The following KAT6B variants were observed in gnomAD, a reference collection of about 807,000 sequenced individuals.
KAT6B encodes lysine acetyltransferase 6B, also known as histone acetyltransferase KAT6B.
In KAT6B, 10 loss-of-function variants were observed where a neutral mutation model predicts 187.5. The ratio of observed to expected loss-of-function variants is 0.05; its 90% CI spans 0.03 to 0.09. The LOEUF (loss-of-function observed/expected upper bound fraction) is 0.09. Ranked by LOEUF, KAT6B falls within the 10% of genes least tolerant of loss-of-function variation. KAT6B has a pLI of 1.00. For synonymous variants in KAT6B, 861 were observed against 926.8 expected, an observed-to-expected ratio of 0.93 and a Z score of 1.29; for missense variants, 1,952 against 2,558.9, an observed-to-expected ratio of 0.76 and a Z score of 5.12.
chr10:74,987,174 G>A (rs1423600509), intron 12 of KAT6B, among the ~76,000 whole-genome samples: 3 of 152,142 alleles, frequency 2.0e-5, no homozygotes, highest in Non-Finnish European at 4.4e-5. Flanking sequence ...GGTGGCTCAC[G>A]CCTGTAATCC....
intron 3 of KAT6B, among the ~76,000 whole-genome samples, chr10:74,901,604 C>CT (rs1208089124): frequency 6.6e-6 from 1 of 152,128 alleles, no homozygotes; most frequent in Non-Finnish European, 1.5e-5. Context: ...GAATTAAACT[C>CT]TGAGTGCTTG....
intron 3 of KAT6B, among the ~76,000 whole-genome samples, chr10:74,845,491 C>T (rs1842030157): frequency 7.1e-6 from 1 of 141,504 alleles, no homozygotes; most frequent in Non-Finnish European, 1.5e-5. Flanking sequence ...CACTGCACTC[C>T]AGCCTGGGTG....
At chr10:74,852,552 A>C (rs547532820) in intron 3 of KAT6B, among the ~76,000 whole-genome samples, 1 of 152,338 alleles carries the variant, frequency 6.6e-6, no homozygotes, top group South Asian at 2.1e-4. Context: ...AGAGCACATG[A>C]ATTGTCTCAA....
intron 3 of KAT6B, among the ~76,000 whole-genome samples, chr10:74,902,418 T>C (rs1436021103): frequency 6.6e-6 from 1 of 152,202 alleles, no homozygotes; most frequent in Non-Finnish European, 1.5e-5. Context: ...AATACCATGA[T>C]TTGCCCAATA....
chr10:74,989,216 C>T (rs1462845432), intron 13 of KAT6B, 104 bp downstream of exon 13: 5 of 821,734 alleles, frequency 6.1e-6, no homozygotes, highest in Non-Finnish European at 1.1e-5. Flanking sequence ...TTGTTTTTAT[C>T]AATAGATAAT....
Position 74,975,990 on chromosome 10 carries a change from T to C in KAT6B, c.1653T>C (p.Tyr551=), listed in dbSNP as rs1366314334. ...TCTTTGATGGGCTTTCTCATATCTA[T>C]ACCACTCAGGGACAGTCTCGCAAAA... The part of the protein sequence containing the change: ...KALFDGLSHI[Y]TTQGQSRKKG... The change falls in exon 8 of 18, where the codon TAT becomes TAC. Residue 551 remains tyrosine (Y), a synonymous_variant. Coordinates refer to ENST00000287239, the MANE Select transcript of KAT6B (RefSeq NM_012330.4). 28 of 1,613,982 alleles carry C rather than the reference T, an allele frequency of 1.7e-5. No homozygotes were observed. The highest frequency in any genetic ancestry group is 2.2e-5 in the Non-Finnish European group (26 of 1,180,026).
rs1846127906 is a variant in KAT6B, at chr10:75,029,280, A to G, written c.4456A>G (p.Asn1486Asp). Residue 1486 changes from asparagine (N) to aspartate (D), a missense_variant, in exon 18 of 18, where the codon AAC becomes GAC. Transcript: ENST00000287239. This position sits in a 1 kb window ranked among gnomAD's most constrained non-coding sequence, Gnocchi z 6.2. ...DCGVDLTASC[N>D]SEPKELAGDP... ...TGGCGTCGACCTGACAGCTTCTTGT[A>G]ACAGTGAGCCCAAGGAGCTTGCTGG... The G allele has an allele frequency of 6.2e-7, 1 of 1,614,004 alleles. No homozygotes were observed. The highest frequency in any genetic ancestry group is 1.7e-5 in the Admixed American group (1 of 60,000).
chr10:74,864,182 C>A (rs1192676990), intron 3 of KAT6B, among the ~76,000 whole-genome samples: 1 of 151,826 alleles, frequency 6.6e-6, no homozygotes, highest in Non-Finnish European at 1.5e-5. Flanking sequence ...GATTCTCTTG[C>A]CTCAGCCTCC....
At position 74,910,031 on chromosome 10, in the gene KAT6B, C is replaced by G. The variant is rs570062986; in HGVS notation, c.622-49939C>G. Among the ~76,000 whole-genome samples, 8 of 151,702 alleles carry G rather than the reference C, an allele frequency of 5.3e-5. No individual in the cohort carries two copies. In the South Asian group the frequency reaches 1.3e-3, roughly 24 times the overall value. On this transcript the variant is annotated intron_variant, in intron 3 of 17. Coordinates refer to ENST00000287239, the MANE Select transcript of KAT6B (RefSeq NM_012330.4). ...ATTGAAAGGAAAAACCTCCCCTAAT[C>G]GCCTTTAAACTAATATTTCTTACTG...
intron 3 of KAT6B, among the ~76,000 whole-genome samples, chr10:74,865,175 C>G (rs1238909346): frequency 6.6e-6 from 1 of 152,064 alleles, no homozygotes. Context: ...TATTCAATAA[C>G]AAAAATGAGC....
chr10:74,949,736 A>G (rs1487881814), intron 3 of KAT6B, among the ~76,000 whole-genome samples: 1 of 152,186 alleles, frequency 6.6e-6, no homozygotes, highest in Non-Finnish European at 1.5e-5. Context: ...GCCTTTGATC[A>G]TGGGACTTTC....
chr10:74,898,081 T>C (rs900466205), intron 3 of KAT6B, among the ~76,000 whole-genome samples: 1 of 152,094 alleles, frequency 6.6e-6, no homozygotes, highest in Non-Finnish European at 1.5e-5. Context: ...TATGTTTCTT[T>C]AGTTAAAAAA....
At chr10:74,841,533 C>A (rs1353327779) in intron 2 of KAT6B, among the ~76,000 whole-genome samples, 1 of 151,846 alleles carries the variant, frequency 6.6e-6, no homozygotes, top group Non-Finnish European at 1.5e-5. Context: ...CTATTGCACT[C>A]CAGCCTGGGT....
intron 3 of KAT6B, among the ~76,000 whole-genome samples, chr10:74,857,069 C>T (rs1366889479): frequency 6.6e-6 from 1 of 152,058 alleles, no homozygotes; most frequent in Non-Finnish European, 1.5e-5. Context: ...GCGCCTTTTC[C>T]CTTTTGTAAT....
chr10:74,870,069 C>T (rs557328607), intron 3 of KAT6B, among the ~76,000 whole-genome samples: 38 of 151,762 alleles, frequency 2.5e-4, no homozygotes, highest in Middle Eastern at 3.2e-3. Context: ...CAGTTGAGTC[C>T]GGGAGTTTGA....
At chr10:75,024,634 T>C (rs1186675261) in intron 16 of KAT6B, among the ~76,000 whole-genome samples, 2 of 152,210 alleles carry the variant, frequency 1.3e-5, no homozygotes, top group African/African-American at 4.8e-5. Flanking sequence ...ATGTGAGGAA[T>C]ATTGAAGCCA....
rs1043188084 is a variant in KAT6B, at chr10:74,952,888, C to T, written c.622-7082C>T. Among the ~76,000 whole-genome samples, 11 of 132,056 alleles carry T rather than the reference C, an allele frequency of 8.3e-5. No homozygotes were observed. In the South Asian group the frequency reaches 1.2e-3, roughly 14 times the overall value. 86.6% of individuals were successfully genotyped at this position (132,056 alleles called of 152,430 possible). ...TTTTTTTTTGTATTTTTAGTAGAGC[C>T]GAGGTTTCACCATGTTGGCCAGGCT... is the stretch of plus-strand genomic sequence containing the variant. On this transcript the variant is annotated intron_variant, in intron 3 of 17. Transcript: ENST00000287239.
At chr10:74,910,962 A>G (rs1847161835) in intron 3 of KAT6B, among the ~76,000 whole-genome samples, 1 of 152,048 alleles carries the variant, frequency 6.6e-6, no homozygotes, top group African/African-American at 2.4e-5. Flanking sequence ...TGTCTTCTGT[A>G]TTTTTCTTCC....
intron 6 of KAT6B, among the ~76,000 whole-genome samples, chr10:74,971,152 A>G (rs1041334542): frequency 5.9e-5 from 9 of 151,988 alleles, no homozygotes; most frequent in African/African-American, 1.7e-4. Flanking sequence ...TGATTTTCCA[A>G]CCCTCTATAT....
Sources: gnomAD v4.1 joint callset for allele counts (sites outside exome capture counted in the v4.1 genomes callset) on GRCh38, gnomAD v4.1.1 for gene constraint, Gnocchi (gnomAD v3.1) non-coding constraint, MANE v1.5 for transcripts, NCBI Gene and HGNC (gene_info 2026-07-23, HGNC 2026-07-21) for gene names.